Variants in SHB observed in about 807,000 individuals in gnomAD.
SHB encodes the protein SH2 domain-containing adapter protein B.
A neutral mutation model predicts 52.3 loss-of-function variants in SHB; 20 were observed. The ratio of observed to expected loss-of-function variants is 0.38; its 90% CI spans 0.27 to 0.56. SHB has a LOEUF of 0.56. Ranked by LOEUF, SHB falls within the 20% of genes least tolerant of loss-of-function variation. SHB has a pLI of 0.71. For synonymous variants in SHB, 397 were observed against 316.5 expected (o/e 1.25, Z -2.70); for missense variants, 825 against 723.3 (o/e 1.14, Z -1.61).
At chr9:37,926,297 G>A (rs2118463789) in intron 5 of SHB, among the ~76,000 whole-genome samples, 3 of 151,886 alleles carry the variant, frequency 2.0e-5, no homozygotes, top group Admixed American at 2.0e-4. Flanking sequence ...CTCCAGGGAA[G>A]TGGGACATTT....
chr9:37,930,837 G>A lies in SHB; in HGVS notation c.1347-10833C>T, dbSNP rs76318573. Among the ~76,000 whole-genome samples the A allele has an allele frequency of 8.5e-3, 1,300 of 152,142 alleles. 18 individuals carry two copies. The highest frequency in any genetic ancestry group is 0.03 in the African/African-American group (1,232 of 41,496). On this transcript the variant is annotated intron_variant, in intron 5 of 5. Coordinates refer to ENST00000377707, the MANE Select transcript of SHB (RefSeq NM_003028.3). ...ATGCTGAAGAAGAAAAGAAAGTTGG[G>A]GGCATCACACTTCCTGATTTGAAAT...
At chr9:37,967,380 C>T (rs1820539203) in intron 3 of SHB, among the ~76,000 whole-genome samples, 1 of 152,100 alleles carries the variant, frequency 6.6e-6, no homozygotes, top group African/African-American at 2.4e-5. Context: ...TTGAAGGTGT[C>T]AAAACTCAAG....
intron 1 of SHB, among the ~76,000 whole-genome samples, chr9:38,027,401 GCAAGGGCA>G (rs1214924850): frequency 6.6e-6 from 1 of 152,132 alleles, no homozygotes; most frequent in Non-Finnish European, 1.5e-5. Flanking sequence ...GCTGGCATAG[GCAAGGGCA>G]CAAGGGCACT....
intron 1 of SHB, among the ~76,000 whole-genome samples, chr9:38,063,025 A>G (rs940638823): frequency 5.3e-5 from 8 of 152,188 alleles, no homozygotes; most frequent in African/African-American, 1.7e-4. Context: ...TAAATGACCG[A>G]TTAAGTGGTT....
intron 2 of SHB, among the ~76,000 whole-genome samples, chr9:37,979,595 G>A (rs1820697083): frequency 6.6e-6 from 1 of 150,574 alleles, no homozygotes; most frequent in Non-Finnish European, 1.5e-5. Flanking sequence ...CTCTGCTCCA[G>A]TATTCACCAA....
At chr9:38,050,319 C>A (rs1821723374) in intron 1 of SHB, among the ~76,000 whole-genome samples, 1 of 152,094 alleles carries the variant, frequency 6.6e-6, no homozygotes, top group Admixed American at 6.6e-5. Context: ...AATGCCATGC[C>A]CCAATTAAGT....
chr9:37,990,904 G>C (rs1364020612), intron 2 of SHB, among the ~76,000 whole-genome samples: 1 of 152,224 alleles, frequency 6.6e-6, no homozygotes, highest in Non-Finnish European at 1.5e-5. Context: ...AGAAAACTGT[G>C]TTTGTAGATA....
chr9:37,942,806 C>A (rs966893566), intron 5 of SHB, among the ~76,000 whole-genome samples: 1 of 152,120 alleles, frequency 6.6e-6, no homozygotes, highest in African/African-American at 2.4e-5. Context: ...GATGCCTGCC[C>A]ACGTGCTGTT....
chr9:37,921,681 C>T lies in SHB; in HGVS notation c.1347-1677G>A, dbSNP rs563566981. Among the ~76,000 whole-genome samples, 95 of 152,252 alleles carry T rather than the reference C, an allele frequency of 6.2e-4. 1 individual carries two copies. Among genetic ancestry groups the T allele is most frequent in the African/African-American group, 2.0e-3 (82 of 41,544 alleles). On this transcript the variant is annotated intron_variant, in intron 5 of 5. Transcript: ENST00000377707. Reference sequence around the variant, plus strand: ...GCTCCTCAGTGAAGGGTCATTTCATCGGAGAATTGCCTAGACACGTCTGAG... The same window carrying T: ...GCTCCTCAGTGAAGGGTCATTTCATTGGAGAATTGCCTAGACACGTCTGAG...
At chr9:38,011,331 G>A (rs1821139351) in intron 2 of SHB, among the ~76,000 whole-genome samples, 1 of 152,174 alleles carries the variant, frequency 6.6e-6, no homozygotes, top group Admixed American at 6.5e-5. Context: ...CAAGGAAACT[G>A]AGGCCCAGAT....
intron 5 of SHB, among the ~76,000 whole-genome samples, chr9:37,922,102 G>A (rs767541836): frequency 4.6e-5 from 7 of 152,228 alleles, no homozygotes; most frequent in Non-Finnish European, 7.3e-5. Context: ...TGGACCAGCA[G>A]GCTTTGTGAT....
chr9:38,016,255 C>A (rs1821210171), intron 1 of SHB, 124 bp from the exon 2 acceptor site: 35 of 945,310 alleles, frequency 3.7e-5, no homozygotes, highest in Non-Finnish European at 5.0e-5. Flanking sequence ...GGAACTAAAG[C>A]CGGCGCCCGG....
At chr9:38,067,904 G>C (rs1821991227) in intron 1 of SHB, 25 bp downstream of exon 1, 2 of 1,445,594 alleles carry the variant, frequency 1.4e-6, no homozygotes, top group Admixed American at 5.6e-5. Context: ...CTGGAACCTC[G>C]GGAAGAGGCC....
At chr9:38,040,905 G>T (rs1361517540) in intron 1 of SHB, among the ~76,000 whole-genome samples, 1 of 151,942 alleles carries the variant, frequency 6.6e-6, no homozygotes, top group African/African-American at 2.4e-5. Flanking sequence ...GAGGGTGCGG[G>T]GTGGGGTTAG....
rs73455547 is a variant in SHB at position 37,968,207 on chromosome 9, C to A, written c.1054+6415G>T. Among the ~76,000 whole-genome samples the A allele has an allele frequency of 9.6e-3, 1,457 of 152,300 alleles. 24 individuals carry two copies. Among genetic ancestry groups the A allele is most frequent in the African/African-American group, 0.033 (1,364 of 41,552 alleles). The stretch of plus-strand genomic sequence containing the variant: ...ACACCAAATGATCCTTTAGGGCTTA[C>A]CATGTCTTTTCATTCAGATCTTTTG... On this transcript the variant is annotated intron_variant, in intron 3 of 5. Coordinates refer to ENST00000377707, the MANE Select transcript of SHB (RefSeq NM_003028.3).
intron 5 of SHB, among the ~76,000 whole-genome samples, chr9:37,934,031 C>T (rs1344408923): frequency 6.6e-6 from 1 of 152,248 alleles, no homozygotes; most frequent in African/African-American, 2.4e-5. Flanking sequence ...CCATCTCTCA[C>T]ACAGCGGGAG....
chr9:38,047,111 G>A (rs1821661389), intron 1 of SHB, among the ~76,000 whole-genome samples: 1 of 152,216 alleles, frequency 6.6e-6, no homozygotes, highest in African/African-American at 2.4e-5. Flanking sequence ...ATGAGTTCAT[G>A]TTCTCCAAGA....
chr9:37,949,656 C>T (rs1832541842), intron 4 of SHB, among the ~76,000 whole-genome samples: 1 of 152,140 alleles, frequency 6.6e-6, no homozygotes, highest in Non-Finnish European at 1.5e-5. Flanking sequence ...AGGGGCTTTT[C>T]TCTGTTTGAG....
chr9:37,978,731 C>G (rs1416023784), intron 2 of SHB, among the ~76,000 whole-genome samples: 1 of 152,118 alleles, frequency 6.6e-6, no homozygotes, highest in Non-Finnish European at 1.5e-5. Flanking sequence ...GTACAGACAT[C>G]CACAACACCA....
Sources: gnomAD v4.1 joint callset for allele counts (sites outside exome capture counted in the v4.1 genomes callset) on GRCh38, gnomAD v4.1.1 for gene constraint, MANE v1.5 for transcripts, NCBI Gene and HGNC (gene_info 2026-07-23, HGNC 2026-07-21) for gene names.